The following CPED1 variants were observed in gnomAD, a reference collection of about 807,000 sequenced individuals.
The protein encoded by CPED1 is cadherin-like and PC-esterase domain-containing protein 1.
In CPED1, 114 loss-of-function variants were observed where a neutral mutation model predicts 128.2. That is an observed-to-expected ratio of 0.89 (90% confidence interval 0.76 to 1.04). The LOEUF (loss-of-function observed/expected upper bound fraction) is 1.04, where lower values mean the gene tolerates loss of function less well. Ranked by LOEUF, CPED1 falls within the 50% of genes least tolerant of loss-of-function variation. The probability of loss-of-function intolerance (pLI) is 0.00; values close to 1 mark genes in which losing one functional copy is unlikely to be tolerated. For missense variants in CPED1, 1,211 were observed against 1,207.1 expected, an observed-to-expected ratio of 1.00 and a Z score of -0.05; for synonymous variants, 462 against 426.7, an observed-to-expected ratio of 1.08 and a Z score of -1.02.
intron 18 of CPED1, among the ~76,000 whole-genome samples, chr7:121,252,299 A>G (rs1013239490): frequency 8.5e-5 from 13 of 152,200 alleles, no homozygotes; most frequent in African/African-American, 2.7e-4. Context: ...CTTACCCCTT[A>G]TACAAAAATT....
intron 22 of CPED1, among the ~76,000 whole-genome samples, chr7:121,287,152 T>C (rs1184446602): frequency 1.3e-5 from 2 of 152,072 alleles, no homozygotes; most frequent in African/African-American, 4.8e-5. Context: ...GGGATTTGAG[T>C]GGGGACAGAA....
intron 16 of CPED1, among the ~76,000 whole-genome samples, chr7:121,191,700 A>G (rs919862069): frequency 6.6e-6 from 1 of 152,126 alleles, no homozygotes; most frequent in African/African-American, 2.4e-5. Context: ...TCTGAGAAGT[A>G]TATCAGTTTC....
intron 16 of CPED1, among the ~76,000 whole-genome samples, chr7:121,167,757 AG>A (rs1796565829): frequency 8.6e-6 from 1 of 116,558 alleles, no homozygotes; most frequent in Non-Finnish European, 1.7e-5. Flanking sequence ...TTTGAGATGG[AG>A]TCTCGCTCTG....
At chr7:121,080,255 C>T (rs1794249928) in intron 5 of CPED1, among the ~76,000 whole-genome samples, 1 of 151,956 alleles carries the variant, frequency 6.6e-6, no homozygotes, top group Non-Finnish European at 1.5e-5. Flanking sequence ...CCATGTCTCA[C>T]TATATAGCCT....
chr7:121,095,878 A>G (rs1794687324), intron 5 of CPED1, among the ~76,000 whole-genome samples: 2 of 152,280 alleles, frequency 1.3e-5, no homozygotes, highest in South Asian at 4.1e-4. Context: ...GCTTTTTGGC[A>G]GCAAGGTAAG....
At chr7:121,034,666 G>T (rs900982726) in intron 3 of CPED1, among the ~76,000 whole-genome samples, 1 of 152,088 alleles carries the variant, frequency 6.6e-6, no homozygotes, top group African/African-American at 2.4e-5. Flanking sequence ...GCATTACAAA[G>T]GTAAGACCTT....
chr7:121,003,712 G>A (rs947010535), intron 2 of CPED1, among the ~76,000 whole-genome samples: 1 of 152,134 alleles, frequency 6.6e-6, no homozygotes, highest in Non-Finnish European at 1.5e-5. Context: ...GTAGAGTGGA[G>A]GCACCTCTCG....
intron 16 of CPED1, among the ~76,000 whole-genome samples, chr7:121,166,146 A>C (rs142169172): frequency 6.0e-5 from 9 of 149,126 alleles, no homozygotes; most frequent in South Asian, 2.1e-4. Flanking sequence ...CAAAAAAAAA[A>C]CATTTCACCA....
rs577237240 is a variant in CPED1, at chr7:121,175,126, A to G, written c.2055+32985A>G. On this transcript the variant is annotated intron_variant, in intron 16 of 22. Transcript: ENST00000310396. ...CAGCTAAAGGAGCTTTTGGGCTACG[A>G]CCGTGGGGTTTTCTAGATATAGAAT... is the stretch of plus-strand genomic sequence containing the variant. Among the ~76,000 whole-genome samples the G allele has an allele frequency of 3.9e-5, 6 of 152,212 alleles. No homozygotes were observed. The East Asian group carries it at 1.2e-3, about 29-fold the overall frequency.
chr7:121,087,665 C>CTTTTTTTTTTTTTTTTT (rs72453872), intron 5 of CPED1, among the ~76,000 whole-genome samples: 9 of 131,554 alleles, frequency 6.8e-5, no homozygotes, highest in African/African-American at 2.8e-4. Flanking sequence ...CTTTTCTTTC[C>CTTTTTTTTTTTTTTTTT]TGTTTTTTTT....
At chr7:121,130,003 G>A (rs994664111) in intron 11 of CPED1, 122 bp from the exon 12 acceptor site, 2 of 842,284 alleles carry the variant, frequency 2.4e-6, no homozygotes, top group Non-Finnish European at 1.8e-6. Context: ...TTATGGTACT[G>A]ACCAATGGAT....
intron 16 of CPED1, among the ~76,000 whole-genome samples, chr7:121,221,712 C>G (rs916415105): frequency 3.9e-5 from 6 of 152,148 alleles, no homozygotes; most frequent in African/African-American, 1.4e-4. Context: ...CTCTGATAAC[C>G]AGTGATGATG....
At chr7:121,021,141 A>G (rs569231789) in intron 3 of CPED1, among the ~76,000 whole-genome samples, 3 of 151,986 alleles carry the variant, frequency 2.0e-5, no homozygotes, top group South Asian at 2.1e-4. Context: ...CAGCTTTTCA[A>G]CTCCTAATAA....
chr7:121,098,416 C>A lies in CPED1; in HGVS notation c.749+585C>A, dbSNP rs138579240. ...GTATTTATTGAAGAATCATATGCAT[C>A]TTGTGCCAACCTAGAATTTTAAAGT... On this transcript the variant is annotated intron_variant, in intron 6 of 22. Transcript: ENST00000310396. Among the ~76,000 whole-genome samples, 297 of 152,174 alleles carry A rather than the reference C, an allele frequency of 2.0e-3. 1 individual carries two copies. The highest frequency in any genetic ancestry group is 2.6e-3 in the Non-Finnish European group (179 of 68,000).
intron 3 of CPED1, among the ~76,000 whole-genome samples, chr7:121,023,264 A>C (rs1453471143): frequency 4.6e-5 from 7 of 152,116 alleles, no homozygotes; most frequent in Non-Finnish European, 1.0e-4. Flanking sequence ...TTGAACCAAT[A>C]TTTTTGTATT....
intron 3 of CPED1, among the ~76,000 whole-genome samples, chr7:121,036,874 A>G (rs574998673): frequency 1.3e-5 from 2 of 151,898 alleles, no homozygotes; most frequent in East Asian, 3.9e-4. Flanking sequence ...TTTGATTTGC[A>G]TTTTCCTGAT....
At chr7:121,263,643 A>G (rs952354047) in intron 18 of CPED1, among the ~76,000 whole-genome samples, 3 of 152,020 alleles carry the variant, frequency 2.0e-5, no homozygotes, top group African/African-American at 7.2e-5. Flanking sequence ...GCCTTTTCAC[A>G]TATAAACACA....
intron 7 of CPED1, among the ~76,000 whole-genome samples, chr7:121,114,457 A>G (rs138952237): frequency 4.3e-4 from 65 of 152,344 alleles, no homozygotes; most frequent in African/African-American, 1.3e-3. Flanking sequence ...GCAAAAAGAG[A>G]CAGACTTGCT....
intron 22 of CPED1, among the ~76,000 whole-genome samples, chr7:121,292,680 G>A (rs1792733192): frequency 6.6e-6 from 1 of 152,074 alleles, no homozygotes; most frequent in Admixed American, 6.6e-5. Context: ...TTTGATGTTG[G>A]TGACCTTCGG....
Sources: allele counts gnomAD v4.1 joint callset (sites outside exome capture counted in the v4.1 genomes callset), GRCh38; gene constraint gnomAD v4.1.1; transcripts MANE v1.5; gene names NCBI Gene and HGNC (gene_info 2026-07-23, HGNC 2026-07-21).